The following NKAIN3 variants were observed in gnomAD, a reference collection of about 807,000 sequenced individuals.
The protein encoded by NKAIN3 is sodium/potassium-transporting ATPase subunit beta-1-interacting protein 3.
Under a neutral mutation model 30.2 loss-of-function variants are expected in NKAIN3, and 25 were observed. That is an observed-to-expected ratio of 0.83 (90% CI 0.60 to 1.16). The LOEUF is 1.16. Ranked by LOEUF, NKAIN3 falls within the 50% of genes most tolerant of loss-of-function variation. NKAIN3 has a pLI of 0.00. For synonymous variants in NKAIN3, 91 were observed against 89.6 expected, an observed-to-expected ratio of 1.02 and a Z score of -0.09; for missense variants, 225 against 254.1, an observed-to-expected ratio of 0.89 and a Z score of 0.78.
At chr8:62,734,215 G>A (rs893982684) in intron 3 of NKAIN3, among the ~76,000 whole-genome samples, 3 of 152,184 alleles carry the variant, frequency 2.0e-5, no homozygotes, top group African/African-American at 7.2e-5. Flanking sequence ...CCCAGGAGGT[G>A]AAGGTTGCAG....
At chr8:62,927,710 G>T (rs1199462298) in intron 5 of NKAIN3, among the ~76,000 whole-genome samples, 2 of 152,064 alleles carry the variant, frequency 1.3e-5, no homozygotes, top group African/African-American at 4.8e-5. Flanking sequence ...ACTTGTTCAA[G>T]CTGCTTTTGG....
intron 1 of NKAIN3, among the ~76,000 whole-genome samples, chr8:62,345,647 A>ACACATATATATG (rs1815977806): frequency 6.7e-6 from 1 of 150,308 alleles, no homozygotes; most frequent in African/African-American, 2.4e-5. Context: ...ATGTATATAT[A>ACACATATATATG]CACATATATA....
At chr8:62,688,672 C>T (rs1427830240) in intron 3 of NKAIN3, among the ~76,000 whole-genome samples, 1 of 151,954 alleles carries the variant, frequency 6.6e-6, no homozygotes, top group African/African-American at 2.4e-5. Flanking sequence ...AAAGAGAGCA[C>T]ATGCAACAGG....
At chr8:62,611,740 C>T (rs963445336) in intron 3 of NKAIN3, among the ~76,000 whole-genome samples, 3 of 152,084 alleles carry the variant, frequency 2.0e-5, no homozygotes, top group African/African-American at 7.2e-5. Context: ...AACAGTGGGG[C>T]AACAAACATA....
At chr8:62,370,737 T>C (rs1046733864) in intron 1 of NKAIN3, among the ~76,000 whole-genome samples, 1 of 152,016 alleles carries the variant, frequency 6.6e-6, no homozygotes, top group African/African-American at 2.4e-5. Context: ...ATTTTTAAAA[T>C]TGTAAAACAT....
intron 1 of NKAIN3, among the ~76,000 whole-genome samples, chr8:62,453,644 A>G (rs561373908): frequency 4.3e-4 from 66 of 152,296 alleles, no homozygotes; most frequent in African/African-American, 1.6e-3. Flanking sequence ...AGGCTAATAA[A>G]GAAAAAAAGA....
At chr8:62,845,285 T>TTATATATATA (rs10525699) in intron 4 of NKAIN3, among the ~76,000 whole-genome samples, 7,290 of 68,426 alleles carry the variant, frequency 0.11, 809 homozygotes, top group Admixed American at 0.17. Flanking sequence ...GGATAGTAGA[T>TTATATATATA]TATATATATA....
At chr8:62,336,354 A>C (rs779006957) in intron 1 of NKAIN3, among the ~76,000 whole-genome samples, 28 of 152,052 alleles carry the variant, frequency 1.8e-4, no homozygotes, top group Non-Finnish European at 2.6e-4. Flanking sequence ...GTGGATGTCC[A>C]TTAAGTTTCT....
At chr8:62,481,997 G>T (rs910004348) in intron 1 of NKAIN3, among the ~76,000 whole-genome samples, 2 of 152,156 alleles carry the variant, frequency 1.3e-5, no homozygotes, top group African/African-American at 4.8e-5. Flanking sequence ...TCTCTCCCCT[G>T]TGAATACCTC....
At chr8:62,957,700 G>T (rs1295553185) in intron 6 of NKAIN3, among the ~76,000 whole-genome samples, 1 of 152,090 alleles carries the variant, frequency 6.6e-6, no homozygotes, top group African/African-American at 2.4e-5. Flanking sequence ...ACAGATCAAG[G>T]GTTGCGGGAG....
chr8:62,604,856 A>G (rs1052231966), intron 3 of NKAIN3, among the ~76,000 whole-genome samples: 6 of 152,174 alleles, frequency 3.9e-5, no homozygotes, highest in African/African-American at 1.4e-4. Flanking sequence ...TATATTCATC[A>G]AATCATTCTT....
Position 62,977,049 on chromosome 8 carries a change from T to A in NKAIN3, c.*11642T>A, listed in dbSNP as rs1677441256. ...GGCTTTTAGGGTTTCTGCAGAGAGA[T>A]CTGCTGTTAGTATGATGGGCTTCCC... On this transcript the variant is annotated 3_prime_UTR_variant, in exon 7 of 7. Coordinates refer to ENST00000623646, the MANE Select transcript of NKAIN3 (RefSeq NM_001304533.3). Among the ~76,000 whole-genome samples, 1 of 152,178 alleles carries A rather than the reference T, an allele frequency of 6.6e-6. No individual in the cohort carries two copies. The highest frequency in any genetic ancestry group is 2.1e-4 in the South Asian group (1 of 4,824).
intron 4 of NKAIN3, among the ~76,000 whole-genome samples, chr8:62,891,779 G>A (rs1476078746): frequency 6.6e-6 from 1 of 152,150 alleles, no homozygotes; most frequent in Non-Finnish European, 1.5e-5. Flanking sequence ...TCAGCCTTAA[G>A]AATGTGGCTT....
chr8:62,907,932 G>A (rs1488579550), intron 4 of NKAIN3, among the ~76,000 whole-genome samples: 1 of 152,164 alleles, frequency 6.6e-6, no homozygotes, highest in Non-Finnish European at 1.5e-5. Context: ...TGAGATGAGG[G>A]CCACTGTCCT....
chr8:62,974,737 G>C lies in NKAIN3; in HGVS notation c.*9330G>C, dbSNP rs557778453. 6.6e-5 allele frequency among the ~76,000 whole-genome samples: 10 copies of C among 152,098 alleles called. No homozygotes were observed. Among genetic ancestry groups the C allele is most frequent in the Non-Finnish European group, 1.3e-4 (9 of 68,018 alleles). On this transcript the variant is annotated 3_prime_UTR_variant, in exon 7 of 7. Coordinates refer to ENST00000623646, the MANE Select transcript of NKAIN3 (RefSeq NM_001304533.3). ...GTGAGACAAGCCACCCTTGTCTTGC[G>C]CCAGTTTTCAAAGGGAGTGCTTCCA... is the stretch of plus-strand genomic sequence containing the variant.
At chr8:62,376,734 A>G (rs982471080) in intron 1 of NKAIN3, among the ~76,000 whole-genome samples, 15 of 152,220 alleles carry the variant, frequency 9.9e-5, no homozygotes, top group African/African-American at 3.6e-4. Flanking sequence ...GGGGATTAAA[A>G]ATGCAAATAT....
chr8:62,530,400 T>G (rs546036064), intron 1 of NKAIN3, among the ~76,000 whole-genome samples: 2 of 152,258 alleles, frequency 1.3e-5, no homozygotes, highest in African/African-American at 2.4e-5. Flanking sequence ...ATCTTGGCAG[T>G]TGCCTGGGGA....
At chr8:62,780,237 C>T (rs1817314280) in intron 4 of NKAIN3, among the ~76,000 whole-genome samples, 1 of 151,830 alleles carries the variant, frequency 6.6e-6, no homozygotes, top group Non-Finnish European at 1.5e-5. Context: ...TGAGATTGAC[C>T]CAAGAAGAAG....
chr8:62,718,986 A>T (rs769876647), intron 3 of NKAIN3, among the ~76,000 whole-genome samples: 22 of 152,190 alleles, frequency 1.4e-4, no homozygotes, highest in Non-Finnish European at 2.8e-4. Flanking sequence ...AGCTCTTGAG[A>T]GATGTAAAAT....
Sources: allele counts gnomAD v4.1 joint callset (sites outside exome capture counted in the v4.1 genomes callset), GRCh38; gene constraint gnomAD v4.1.1; transcripts MANE v1.5; gene names NCBI Gene and HGNC (gene_info 2026-07-23, HGNC 2026-07-21).